Variants in ETFDH observed in about 807,000 individuals in gnomAD.
ETFDH encodes electron transfer flavoprotein-ubiquinone oxidoreductase, mitochondrial.
A neutral mutation model predicts 73.2 loss-of-function variants in ETFDH; 61 were observed. The observed-to-expected ratio is 0.83, with a 90% CI of 0.68 to 1.03. The LOEUF is 1.03. Among genes scored for constraint, ETFDH ranks in the 50% least tolerant of loss-of-function variants. ETFDH has a pLI of 0.00. For synonymous variants in ETFDH, 243 were observed against 253.3 expected (o/e 0.96, Z 0.39); for missense variants, 685 against 745.0 (o/e 0.92, Z 0.94).
At position 158,699,112 on chromosome 4, in the gene ETFDH, C is replaced by T. The variant is rs1245353864; in HGVS notation, c.1098C>T (p.Leu366=). The change falls in exon 9 of 13, where the codon CTC becomes CTT. Residue 366 remains leucine (L), a synonymous_variant. Coordinates refer to ENST00000511912, the MANE Select transcript of ETFDH (RefSeq NM_004453.4). ...GKRIAYGARA[L]NEGGFQSIPK... ...GGATTGCATACGGAGCCAGAGCTCT[C>T]AATGAAGGTGGCTTTCAGGTAACTC... is the stretch of plus-strand genomic sequence containing the variant. The T allele has an allele frequency of 6.2e-7, 1 of 1,613,894 alleles. No individual in the cohort carries two copies. The highest frequency in any genetic ancestry group is 1.7e-5 in the Admixed American group (1 of 60,002).
At chr4:158,686,155 G>T (rs542872520) in intron 5 of ETFDH, among the ~76,000 whole-genome samples, 22 of 152,214 alleles carry the variant, frequency 1.4e-4, no homozygotes, top group African/African-American at 4.8e-4. Context: ...AGGAGGGGAA[G>T]GTCAGAGAGA....
At chr4:158,682,481 T>C (rs991449225) in intron 3 of ETFDH, 57 bp downstream of exon 3, 8 of 1,362,740 alleles carry the variant, frequency 5.9e-6, no homozygotes, top group Middle Eastern at 4.1e-4. Context: ...ATTTCAGTAA[T>C]TGTTCCCAAA....
intron 6 of ETFDH, among the ~76,000 whole-genome samples, chr4:158,693,148 T>A (rs1774222295): frequency 6.6e-6 from 1 of 152,318 alleles, no homozygotes; most frequent in African/African-American, 2.4e-5. Flanking sequence ...GCGATTTCAC[T>A]GAAACAGCTC....
At chr4:158,690,495 G>A (rs1451643742) in intron 6 of ETFDH, 70 bp downstream of exon 6, 4 of 933,514 alleles carry the variant, frequency 4.3e-6, no homozygotes, top group Non-Finnish European at 7.2e-6. Flanking sequence ...GGGCATCAAA[G>A]TGAAACCCCA....
chr4:158,706,627 A>C lies in ETFDH; in HGVS notation c.1469-2A>C. ...TAAGCATTTCCCTCAAAATTGTTGAAGGTTCTGACTTTGAACGGCTCAAGC... is the reference window on the plus strand; with the variant it reads ...TAAGCATTTCCCTCAAAATTGTTGACGGTTCTGACTTTGAACGGCTCAAGC... On this transcript the variant is annotated splice_acceptor_variant, in intron 11 of 12. Coordinates refer to ENST00000511912, the MANE Select transcript of ETFDH (RefSeq NM_004453.4). LOFTEE classifies it high-confidence loss of function. The C allele has an allele frequency of 6.2e-7, 1 of 1,611,052 alleles. No individual in the cohort carries two copies. The highest frequency in any genetic ancestry group is 8.5e-7 in the Non-Finnish European group (1 of 1,177,168).
chr4:158,705,717 T>A (rs1327368835), intron 10 of ETFDH, among the ~76,000 whole-genome samples: 5 of 152,234 alleles, frequency 3.3e-5, no homozygotes, highest in Admixed American at 3.3e-4. Context: ...ATGGTTGTCT[T>A]TTTGGAAGAT....
rs541563285 is a variant in ETFDH, at chr4:158,684,155, C to T, written c.406-437C>T. Among the ~76,000 whole-genome samples the T allele has an allele frequency of 6.1e-4, 93 of 152,200 alleles. 1 individual carries two copies. In the South Asian group the frequency reaches 8.7e-3, roughly 14 times the overall value. On this transcript the variant is annotated intron_variant, in intron 3 of 12. Transcript: ENST00000511912. Reference sequence around the variant, plus strand: ...GTGTAATCCCAACACTTTGGGAGGCCAAGGCGGATGGATGACTTGAGGTCA... The same window carrying T: ...GTGTAATCCCAACACTTTGGGAGGCTAAGGCGGATGGATGACTTGAGGTCA...
Position 158,697,552 on chromosome 4 carries a change from T to C in ETFDH, c.832-7T>C. ...AGGACTTTTTTGTTTGCTTTTTTTT[T>C]TTTTAGTTATGGGTTATTGATGAAA... On this transcript the variant is annotated splice_region_variant and splice_polypyrimidine_tract_variant and intron_variant, in intron 7 of 12. Coordinates refer to ENST00000511912, the MANE Select transcript of ETFDH (RefSeq NM_004453.4). 1 of 1,609,522 alleles carries C rather than the reference T, an allele frequency of 6.2e-7. No individual in the cohort carries two copies. Among genetic ancestry groups the C allele is most frequent in the Admixed American group, 1.7e-5 (1 of 59,372 alleles).
intron 5 of ETFDH, among the ~76,000 whole-genome samples, chr4:158,687,076 A>G (rs1012620992): frequency 6.6e-6 from 1 of 152,190 alleles, no homozygotes; most frequent in African/African-American, 2.4e-5. Flanking sequence ...AAGAACATAC[A>G]GCAACCTGGG....
At chr4:158,672,974 C>T (rs1330295004) in intron 1 of ETFDH, among the ~76,000 whole-genome samples, 1 of 152,218 alleles carries the variant, frequency 6.6e-6, no homozygotes, top group Non-Finnish European at 1.5e-5. Flanking sequence ...TTGACCAAGT[C>T]ACCCAAGTGT....
chr4:158,707,459 C>T (rs372470803), intron 12 of ETFDH, among the ~76,000 whole-genome samples: 6 of 152,306 alleles, frequency 3.9e-5, no homozygotes, highest in African/African-American at 1.4e-4. Context: ...CCGTTAGGCT[C>T]CTCTTACCCC....
chr4:158,691,617 C>G (rs1774168149), intron 6 of ETFDH, among the ~76,000 whole-genome samples: 1 of 152,222 alleles, frequency 6.6e-6, no homozygotes, highest in South Asian at 2.1e-4. Context: ...GCCACCGTGC[C>G]TGGCCTTTAT....
At chr4:158,681,942 T>A (rs1254247049) in intron 2 of ETFDH, 2 of 500,260 alleles carry the variant, frequency 4.0e-6, no homozygotes, top group Non-Finnish European at 7.1e-6. Context: ...AAGTAAATAT[T>A]TGCTAAATGT....
At chr4:158,698,546 A>G (rs1343457385) in intron 8 of ETFDH, among the ~76,000 whole-genome samples, 1 of 152,126 alleles carries the variant, frequency 6.6e-6, no homozygotes, top group Non-Finnish European at 1.5e-5. Context: ...ATAGATTATT[A>G]GTTTCTTTCA....
chr4:158,681,902 C>T, intron 2 of ETFDH: 1 of 407,082 alleles, frequency 2.5e-6, no homozygotes. Context: ...GCATTTCTGT[C>T]ATTAAGTGAC....
chr4:158,706,901 G>C, intron 12 of ETFDH, 51 bp downstream of exon 12: 1 of 1,231,834 alleles, frequency 8.1e-7, no homozygotes, highest in Non-Finnish European at 1.2e-6. Flanking sequence ...TTTTAGGAAT[G>C]TGATTTTGTT....
At position 158,706,786 on chromosome 4, in the gene ETFDH, C is replaced by A; in HGVS notation, c.1626C>A (p.Asp542Glu). 1 of 1,613,820 alleles carries A rather than the reference C, an allele frequency of 6.2e-7. No individual in the cohort carries two copies. Residue 542 changes from aspartate (D) to glutamate (E), a missense_variant, in exon 12 of 13, where the codon GAC becomes GAA. This residue lies in a region of ETFDH where 201 missense variants were observed against 225.2 expected (regional missense o/e 0.89). Coordinates refer to ENST00000511912, the MANE Select transcript of ETFDH (RefSeq NM_004453.4). ...DQPAHLTLRDDSIPVNRNLSI... is the reference protein window; with the variant it reads ...DQPAHLTLRDESIPVNRNLSI... ...CGGCACACTTAACCTTAAGGGATGACAGTATACCTGTAAATAGAAATCTGT... is the reference window on the plus strand; with the variant it reads ...CGGCACACTTAACCTTAAGGGATGAAAGTATACCTGTAAATAGAAATCTGT...
At chr4:158,695,465 A>G in intron 6 of ETFDH, 32 bp from the exon 7 acceptor site, 1 of 1,592,306 alleles carries the variant, frequency 6.3e-7, no homozygotes, top group Non-Finnish European at 8.6e-7. Context: ...AAATTGTCAA[A>G]TGTTGCCATT....
rs187884836 is a variant in ETFDH at position 158,686,380 on chromosome 4, C to T, written c.606+1161C>T. 3.9e-3 allele frequency among the ~76,000 whole-genome samples: 591 copies of T among 152,196 alleles called. 1 individual carries two copies. The highest frequency in any genetic ancestry group is 6.8e-3 in the Middle Eastern group (2 of 294). On this transcript the variant is annotated intron_variant, in intron 5 of 12. Coordinates refer to ENST00000511912, the MANE Select transcript of ETFDH (RefSeq NM_004453.4). ...ATATGAAATCCTTCAGAAATAAAGG[C>T]CCCAAAGACCCAGGGGAAACCATTT...
Sources: gnomAD v4.1 joint callset for allele counts (sites outside exome capture counted in the v4.1 genomes callset) on GRCh38, gnomAD v4.1.1 for gene constraint, gnomAD v4.1.1 regional missense constraint, MANE v1.5 for transcripts, NCBI Gene and HGNC (gene_info 2026-07-23, HGNC 2026-07-21) for gene names.